The following WDFY3 variants were observed in gnomAD, a reference collection of about 807,000 sequenced individuals.
The protein encoded by WDFY3 is WD repeat and FYVE domain-containing protein 3.
A neutral mutation model predicts 409.6 loss-of-function variants in WDFY3; 66 were observed. That is an observed-to-expected ratio of 0.16 (90% CI 0.13 to 0.20). The LOEUF (loss-of-function observed/expected upper bound fraction) is 0.20, where lower values mean the gene tolerates loss of function less well. WDFY3 is among the 10% of genes least tolerant of loss of function. The pLI is 1.00. For missense variants in WDFY3, 3,031 were observed against 4,298.1 expected (o/e 0.71, Z 8.24); for synonymous variants, 1,521 against 1,537.1 (o/e 0.99, Z 0.25).
At chr4:84,871,467 C>T (rs1762122224) in intron 3 of WDFY3, among the ~76,000 whole-genome samples, 1 of 151,982 alleles carries the variant, frequency 6.6e-6, no homozygotes, top group Non-Finnish European at 1.5e-5. Context: ...CTCAGATAAG[C>T]AAAAACTGAG....
intron 1 of WDFY3, among the ~76,000 whole-genome samples, chr4:84,942,515 T>G (rs1381095225): frequency 6.6e-6 from 1 of 152,202 alleles, no homozygotes; most frequent in Non-Finnish European, 1.5e-5. Context: ...TGCTTTCATT[T>G]CTTTTATAGA....
chr4:84,683,944 C>T lies in WDFY3; in HGVS notation c.9725G>A (p.Arg3242Gln), dbSNP rs138842306. The change falls in exon 63 of 68, where the codon CGG becomes CAG. Residue 3242 changes from arginine (R) to glutamine (Q), a missense_variant and splice_region_variant. By Grantham distance (43) the Arg-to-Gln change is conservative. Around this residue, in one of 16 missense-constraint regions of WDFY3, gnomAD observed 378 missense variants for 477.3 expected, o/e 0.79. Transcript: ENST00000295888. The part of the protein sequence containing the change: ...IVTGHSDGVV[R>Q]FWRMEFLQVP... ...GAGTTTTTCTCTCAGTTCACTTACC[C>T]GAACCACTCCATCTGAGTGTCCTGT... The T allele has an allele frequency of 1.0e-5, 16 of 1,583,566 alleles. No homozygotes were observed. The highest frequency in any genetic ancestry group is 2.3e-5 in the East Asian group (1 of 44,006).
intron 56 of WDFY3, among the ~76,000 whole-genome samples, chr4:84,698,667 G>GA (rs1298717258): frequency 4.7e-5 from 7 of 150,256 alleles, no homozygotes; most frequent in South Asian, 2.1e-4. Context: ...ATAGCAAGGG[G>GA]AAAAAAAAAT....
At chr4:84,860,160 T>C (rs184864386) in intron 4 of WDFY3, among the ~76,000 whole-genome samples, 53 of 152,328 alleles carry the variant, frequency 3.5e-4, no homozygotes, top group African/African-American at 1.3e-3. Context: ...AGGGCCATTT[T>C]AGACAATGGC....
chr4:84,935,240 A>C (rs1462148686), intron 1 of WDFY3, among the ~76,000 whole-genome samples: 1 of 152,192 alleles, frequency 6.6e-6, no homozygotes, highest in Admixed American at 6.5e-5. Context: ...TACATGCCTA[A>C]GAGTTAGGGA....
At chr4:84,901,051 T>A (rs141538965) in intron 2 of WDFY3, among the ~76,000 whole-genome samples, 76 of 152,280 alleles carry the variant, frequency 5.0e-4, no homozygotes, top group African/African-American at 1.6e-3. Context: ...TGTTGCTGCA[T>A]CCTCTGGAGG....
Position 84,741,930 on chromosome 4 carries a change from C to A in WDFY3, c.6074-9G>T. 1 of 1,563,758 alleles carries A rather than the reference C, an allele frequency of 6.4e-7. No individual in the cohort carries two copies. The highest frequency in any genetic ancestry group is 8.7e-7 in the Non-Finnish European group (1 of 1,150,548). On this transcript the variant is annotated splice_polypyrimidine_tract_variant and intron_variant, in intron 37 of 67. Transcript: ENST00000295888. ...CAGAGATGCATCTTCCCCTAAATTC[C>A]AGTAGGAAAAAAAGTCTAAGAAAAT... is the stretch of plus-strand genomic sequence containing the variant.
intron 1 of WDFY3, among the ~76,000 whole-genome samples, chr4:84,933,366 G>A (rs1310141870): frequency 6.6e-6 from 1 of 151,988 alleles, no homozygotes; most frequent in Admixed American, 6.6e-5. Flanking sequence ...CCAGCTAGAA[G>A]TAGGAGAAAA....
At chr4:84,861,629 GA>G (rs1321264208) in intron 3 of WDFY3, among the ~76,000 whole-genome samples, 1 of 151,964 alleles carries the variant, frequency 6.6e-6, no homozygotes. Context: ...AAATAGAATA[GA>G]AAAAAATAGA....
At chr4:84,926,585 GAC>G (rs1770026750) in intron 2 of WDFY3, among the ~76,000 whole-genome samples, 2 of 151,912 alleles carry the variant, frequency 1.3e-5, no homozygotes, top group Admixed American at 1.3e-4. Flanking sequence ...TAATACATTT[GAC>G]ACAGACTTTC....
rs1280534170 is a variant in WDFY3 at position 84,735,037 on chromosome 4, C to A, written c.6993+6G>T. ...ACAAACCATTATGATGATTATAAGT[C>A]CTTACCTCCTGATATTCTTTATATT... On this transcript the variant is annotated splice_donor_region_variant and intron_variant, in intron 43 of 67. Coordinates refer to ENST00000295888, the MANE Select transcript of WDFY3 (RefSeq NM_014991.6). 1 of 1,609,024 alleles carries A rather than the reference C, an allele frequency of 6.2e-7. No individual in the cohort carries two copies. Among genetic ancestry groups the A allele is most frequent in the African/African-American group, 1.3e-5 (1 of 74,846 alleles).
At position 84,817,372 on chromosome 4, in the gene WDFY3, AAC is replaced by A. The variant is rs755283384; in HGVS notation, c.1887+18_1887+19del. 1 of 1,612,738 alleles carries A rather than the reference AAC, an allele frequency of 6.2e-7. No homozygotes were observed. Among genetic ancestry groups the A allele is most frequent in the Non-Finnish European group, 8.5e-7 (1 of 1,179,098 alleles). On this transcript the variant is annotated intron_variant, in intron 13 of 67. Coordinates refer to ENST00000295888, the MANE Select transcript of WDFY3 (RefSeq NM_014991.6). ...CAGATTTTAGTAGTAAAAGAAGGGA[AAC>A]ACATTTATCAAACTTACCCTTAAAA...
At chr4:84,759,175 G>A (rs1383401321) in intron 32 of WDFY3, among the ~76,000 whole-genome samples, 2 of 152,082 alleles carry the variant, frequency 1.3e-5, no homozygotes, top group African/African-American at 4.8e-5. Context: ...CTCTGTTTTG[G>A]CACCAGTACC....
intron 1 of WDFY3, among the ~76,000 whole-genome samples, chr4:84,949,937 G>C (rs1773385321): frequency 6.6e-6 from 1 of 152,164 alleles, no homozygotes; most frequent in Non-Finnish European, 1.5e-5. Flanking sequence ...CTCAAAAATA[G>C]ATGCTGTTCG....
intron 63 of WDFY3, among the ~76,000 whole-genome samples, chr4:84,683,504 C>A (rs1048092745): frequency 6.6e-6 from 1 of 152,352 alleles, no homozygotes; most frequent in Non-Finnish European, 1.5e-5. Context: ...ATCTAGGCTT[C>A]AGGTGCAGTC....
chr4:84,730,139 G>A (rs1736342936), intron 44 of WDFY3, among the ~76,000 whole-genome samples: 1 of 151,946 alleles, frequency 6.6e-6, no homozygotes, highest in Admixed American at 6.6e-5. Flanking sequence ...CAAAACCCTG[G>A]AAACAAAGCC....
chr4:84,856,403 C>T (rs1759770101), intron 4 of WDFY3, among the ~76,000 whole-genome samples: 1 of 152,150 alleles, frequency 6.6e-6, no homozygotes, highest in Admixed American at 6.5e-5. Flanking sequence ...TAAAATGCTA[C>T]TCATTTTGAG....
intron 62 of WDFY3, among the ~76,000 whole-genome samples, chr4:84,686,206 T>C (rs752561854): frequency 4.6e-5 from 7 of 152,104 alleles, no homozygotes; most frequent in Non-Finnish European, 1.0e-4. Context: ...CTCAGGAGGC[T>C]GAGGCCGGAG....
intron 34 of WDFY3, 108 bp downstream of exon 34, chr4:84,755,158 T>C: frequency 6.8e-7 from 1 of 1,462,632 alleles, no homozygotes; most frequent in Non-Finnish European, 9.3e-7. Flanking sequence ...GTTCCAGAGA[T>C]CATGCAGTAA....
Sources: allele counts gnomAD v4.1 joint callset (sites outside exome capture counted in the v4.1 genomes callset), GRCh38; gene constraint gnomAD v4.1.1; regional missense constraint gnomAD v4.1.1; transcripts MANE v1.5; gene names NCBI Gene and HGNC (gene_info 2026-07-23, HGNC 2026-07-21).